GPATCH2: variants seen among roughly 807,000 people sequenced by gnomAD.
The protein encoded by GPATCH2 is G patch domain-containing protein 2.
Under a neutral mutation model 58.0 loss-of-function variants are expected in GPATCH2, and 51 were observed. The observed-to-expected ratio is 0.88, with a 90% CI of 0.70 to 1.11. The LOEUF (loss-of-function observed/expected upper bound fraction) is 1.11, where lower values mean the gene tolerates loss of function less well. GPATCH2 is among the 50% of genes most tolerant of loss of function. GPATCH2 has a pLI of 0.00. For synonymous variants in GPATCH2, 222 were observed against 218.5 expected (o/e 1.02, Z -0.14); for missense variants, 625 against 652.2 (o/e 0.96, Z 0.45).
chr1:217,502,676 A>T (rs999328745), intron 6 of GPATCH2, among the ~76,000 whole-genome samples: 1 of 152,112 alleles, frequency 6.6e-6, no homozygotes, highest in African/African-American at 2.4e-5. Flanking sequence ...TTCAATATTT[A>T]AAAAGCACTA....
At chr1:217,431,647 T>C (rs192893936) in intron 9 of GPATCH2, among the ~76,000 whole-genome samples, 1 of 152,192 alleles carries the variant, frequency 6.6e-6, no homozygotes, top group Non-Finnish European at 1.5e-5. Context: ...ACAACCTACA[T>C]TGCCTATCTC....
intron 5 of GPATCH2, among the ~76,000 whole-genome samples, chr1:217,550,585 G>C (rs72747609): frequency 0.23 from 34,961 of 151,676 alleles, 4,987 homozygotes; most frequent in East Asian, 0.45. Flanking sequence ...TTGTTACCTA[G>C]TTGGTTTAAA....
intron 8 of GPATCH2, among the ~76,000 whole-genome samples, chr1:217,459,135 A>G (rs1364090796): frequency 1.3e-5 from 2 of 152,218 alleles, no homozygotes; most frequent in African/African-American, 2.4e-5. Context: ...TTCTTTCTTG[A>G]ACTGTTATTT....
At chr1:217,600,117 T>C (rs1317731349) in intron 5 of GPATCH2, among the ~76,000 whole-genome samples, 2 of 152,138 alleles carry the variant, frequency 1.3e-5, no homozygotes, top group South Asian at 2.1e-4. Flanking sequence ...GATTTAAATA[T>C]GAAGTTCTAA....
At chr1:217,569,023 A>G (rs1348804295) in intron 5 of GPATCH2, among the ~76,000 whole-genome samples, 1 of 152,168 alleles carries the variant, frequency 6.6e-6, no homozygotes, top group Non-Finnish European at 1.5e-5. Context: ...TAAAATATTC[A>G]TTAGTAAATG....
At chr1:217,589,684 C>G (rs968254259) in intron 5 of GPATCH2, among the ~76,000 whole-genome samples, 1 of 152,134 alleles carries the variant, frequency 6.6e-6, no homozygotes, top group African/African-American at 2.4e-5. Flanking sequence ...GAAGAGCACA[C>G]ATTTTCCAGA....
chr1:217,444,552 C>T (rs567388631), intron 9 of GPATCH2, among the ~76,000 whole-genome samples: 30 of 152,158 alleles, frequency 2.0e-4, no homozygotes, highest in Non-Finnish European at 3.2e-4. Context: ...CTATCTAACA[C>T]GTGTGCTTAC....
chr1:217,469,856 A>C (rs1660639375), intron 8 of GPATCH2, among the ~76,000 whole-genome samples: 1 of 152,190 alleles, frequency 6.6e-6, no homozygotes, highest in East Asian at 1.9e-4. Flanking sequence ...GGTAAGGTAC[A>C]AATGATCAAG....
At chr1:217,601,054 G>C (rs773267926) in intron 5 of GPATCH2, among the ~76,000 whole-genome samples, 62 of 152,080 alleles carry the variant, frequency 4.1e-4, no homozygotes, top group Non-Finnish European at 7.5e-4. Context: ...ATAAAATGCA[G>C]AAAGCATGGT....
intron 5 of GPATCH2, among the ~76,000 whole-genome samples, chr1:217,590,592 C>A (rs906746476): frequency 1.3e-5 from 2 of 152,110 alleles, no homozygotes; most frequent in African/African-American, 4.8e-5. Flanking sequence ...TGGTTTTTCT[C>A]CCTTTTATGG....
At chr1:217,590,202 G>T (rs933233015) in intron 5 of GPATCH2, among the ~76,000 whole-genome samples, 1 of 151,980 alleles carries the variant, frequency 6.6e-6, no homozygotes, top group South Asian at 2.1e-4. Context: ...TGTGTTTTTA[G>T]TAGAGACAGG....
chr1:217,609,281 A>C (rs1409208243), intron 5 of GPATCH2: 1 of 984,856 alleles, frequency 1.0e-6, no homozygotes, highest in East Asian at 1.1e-4. Context: ...CTGCCATTCT[A>C]AAGATGTACA....
chr1:217,456,687 A>C lies in GPATCH2; in HGVS notation c.1278-7350T>G, dbSNP rs150431330. On this transcript the variant is annotated intron_variant, in intron 8 of 9. Transcript: ENST00000366935. ...GATGCATGAATTTTATCTGATTCTGAATGATTAACAGAGAGGGTTACCCAA... is the reference window on the plus strand; with the variant it reads ...GATGCATGAATTTTATCTGATTCTGCATGATTAACAGAGAGGGTTACCCAA... Among the ~76,000 whole-genome samples, 709 of 152,362 alleles carry C rather than the reference A, an allele frequency of 4.7e-3. 7 individuals are homozygous for C. Among genetic ancestry groups the C allele is most frequent in the African/African-American group, 0.014 (575 of 41,582 alleles).
chr1:217,533,136 T>G (rs902009015), intron 5 of GPATCH2, among the ~76,000 whole-genome samples: 3 of 151,756 alleles, frequency 2.0e-5, no homozygotes, highest in African/African-American at 7.3e-5. Flanking sequence ...CTTGAACTCC[T>G]GAGCTCAAGT....
intron 8 of GPATCH2, among the ~76,000 whole-genome samples, chr1:217,479,381 G>A (rs1363614850): frequency 6.6e-6 from 1 of 152,140 alleles, no homozygotes. Context: ...AGTAGAGAAT[G>A]AGGTTGAGGC....
rs775619255 is a variant in GPATCH2, at chr1:217,430,037, G to T, written c.*1108C>A. 9.2e-5 allele frequency: 14 copies of T among 152,032 alleles called. No homozygotes were observed. Among genetic ancestry groups the T allele is most frequent in the Non-Finnish European group, 1.9e-4 (13 of 68,010 alleles). The allele number at this position is 152,032 out of a possible 1,614,324, so 9.4% of individuals were successfully genotyped here. On this transcript the variant is annotated 3_prime_UTR_variant, in exon 10 of 10. Coordinates refer to ENST00000366935, the MANE Select transcript of GPATCH2 (RefSeq NM_018040.5). ...GATCTTCTAAACTAAAAGCAATTTA[G>T]AATTTCTGATACTATGAAGCAAATG...
intron 1 of GPATCH2, among the ~76,000 whole-genome samples, chr1:217,625,652 T>C (rs1270719743): frequency 1.3e-5 from 2 of 152,178 alleles, no homozygotes; most frequent in East Asian, 1.9e-4. Flanking sequence ...CAAGAGGATA[T>C]GCATGTGTGT....
intron 5 of GPATCH2, among the ~76,000 whole-genome samples, chr1:217,515,438 G>A (rs983066465): frequency 5.3e-5 from 8 of 152,050 alleles, no homozygotes; most frequent in Admixed American, 1.3e-4. Flanking sequence ...AATCTTGGCC[G>A]GGCACAGTGG....
intron 9 of GPATCH2, among the ~76,000 whole-genome samples, chr1:217,443,033 C>T (rs2102541654): frequency 6.6e-6 from 1 of 152,276 alleles, no homozygotes; most frequent in Admixed American, 6.5e-5. Flanking sequence ...TATTCTCTCA[C>T]ATTTTACATA....
Sources: gnomAD v4.1 joint callset for allele counts (sites outside exome capture counted in the v4.1 genomes callset) on GRCh38, gnomAD v4.1.1 for gene constraint, MANE v1.5 for transcripts, NCBI Gene and HGNC (gene_info 2026-07-23, HGNC 2026-07-21) for gene names.